The following SLC35F3 variants were observed in gnomAD, a reference collection of about 807,000 sequenced individuals.
The protein encoded by SLC35F3 is putative thiamine transporter SLC35F3.
In SLC35F3, 25 loss-of-function variants were observed where a neutral mutation model predicts 49.9. The observed-to-expected ratio is 0.50, with a 90% CI of 0.37 to 0.70. SLC35F3 has a LOEUF of 0.70. Among genes scored for constraint, SLC35F3 ranks in the 30% least tolerant of loss-of-function variants. The pLI is 0.00. For missense variants in SLC35F3, 525 were observed against 639.8 expected (o/e 0.82, Z 1.94); for synonymous variants, 275 against 265.4 (o/e 1.04, Z -0.35).
chr1:234,029,105 A>G (rs967781175), intron 2 of SLC35F3, among the ~76,000 whole-genome samples: 5 of 152,156 alleles, frequency 3.3e-5, no homozygotes, highest in African/African-American at 1.2e-4. Context: ...AACATCGGTC[A>G]TTTTCTGCCC....
intron 3 of SLC35F3, among the ~76,000 whole-genome samples, chr1:234,265,320 C>CT (rs1035592951): frequency 8.2e-5 from 12 of 146,134 alleles, no homozygotes; most frequent in Admixed American, 6.8e-5. Flanking sequence ...ATTATTTCTT[C>CT]TTTTTTTCTT....
chr1:234,033,258 C>A (rs1664089171), intron 2 of SLC35F3, among the ~76,000 whole-genome samples: 1 of 152,010 alleles, frequency 6.6e-6, no homozygotes, highest in South Asian at 2.1e-4. Flanking sequence ...GGATATTAGT[C>A]CTTTGTCAGA....
At chr1:234,081,988 C>T (rs1467041714) in intron 2 of SLC35F3, among the ~76,000 whole-genome samples, 2 of 131,620 alleles carry the variant, frequency 1.5e-5, no homozygotes, top group East Asian at 2.6e-4. Flanking sequence ...ATCTCCTGAA[C>T]TCGTGATCCA....
chr1:234,086,457 T>C (rs549457665), intron 2 of SLC35F3, among the ~76,000 whole-genome samples: 16 of 152,330 alleles, frequency 1.1e-4, no homozygotes, highest in African/African-American at 3.6e-4. Context: ...CATGTCTGTA[T>C]TTTAAAAGAA....
intron 2 of SLC35F3, among the ~76,000 whole-genome samples, chr1:233,947,537 G>T (rs1000411194): frequency 8.6e-5 from 13 of 151,390 alleles, no homozygotes; most frequent in Admixed American, 8.6e-4. Context: ...TTTGCATTGA[G>T]GTCAGCGTCT....
chr1:234,027,589 C>T lies in SLC35F3; in HGVS notation c.283+121831C>T, dbSNP rs935054936. Reference sequence around the variant, plus strand: ...AGGCTGTTCTCTGATCTAAGCAAGACAAAAACGAGGGCCTAAACTAAGCTG... The same window carrying T: ...AGGCTGTTCTCTGATCTAAGCAAGATAAAAACGAGGGCCTAAACTAAGCTG... On this transcript the variant is annotated intron_variant, in intron 2 of 7. Transcript: ENST00000366618. This position sits in a 1 kb window ranked among gnomAD's most constrained non-coding sequence, Gnocchi z 4.1. 3.3e-5 allele frequency among the ~76,000 whole-genome samples: 5 copies of T among 151,996 alleles called. No individual in the cohort carries two copies. Among genetic ancestry groups the T allele is most frequent in the Non-Finnish European group, 7.4e-5 (5 of 67,994 alleles).
intron 2 of SLC35F3, among the ~76,000 whole-genome samples, chr1:234,020,509 T>A (rs78923959): frequency 0.033 from 5,031 of 152,142 alleles, 256 homozygotes; most frequent in African/African-American, 0.11. Flanking sequence ...TCTCTGTCCC[T>A]CCCCCTTTTT....
intron 3 of SLC35F3, among the ~76,000 whole-genome samples, chr1:234,278,654 G>A (rs1361686599): frequency 6.6e-6 from 1 of 152,162 alleles, no homozygotes; most frequent in Non-Finnish European, 1.5e-5. Flanking sequence ...CAACAAATAT[G>A]TACTTCTCAC....
intron 2 of SLC35F3, among the ~76,000 whole-genome samples, chr1:234,209,908 T>C (rs1207436193): frequency 6.6e-6 from 1 of 152,186 alleles, no homozygotes; most frequent in Non-Finnish European, 1.5e-5. Flanking sequence ...CAACATTGCA[T>C]TAAACAGAAA....
At chr1:234,203,444 G>C (rs1323580265) in intron 2 of SLC35F3, among the ~76,000 whole-genome samples, 1 of 152,122 alleles carries the variant, frequency 6.6e-6, no homozygotes, top group African/African-American at 2.4e-5. Context: ...CAGGCGCAAG[G>C]GCTCATGCCT....
In SLC35F3 at chr1:234,172,550, A is replaced by G. The variant is rs561784921; in HGVS notation, c.284-58867A>G. ...TTGTTTAAGTATTTATTCTTAAAAT[A>G]GTTCAGTGTCACTTAATGGGATTCA... On this transcript the variant is annotated intron_variant, in intron 2 of 7. Transcript: ENST00000366618. Among the ~76,000 whole-genome samples, 11 of 152,338 alleles carry G rather than the reference A, an allele frequency of 7.2e-5. No homozygotes were observed. The South Asian group carries it at 2.1e-3, about 29-fold the overall frequency.
At chr1:234,225,147 C>T (rs1043077229) in intron 2 of SLC35F3, among the ~76,000 whole-genome samples, 6 of 152,204 alleles carry the variant, frequency 3.9e-5, no homozygotes, top group African/African-American at 1.4e-4. Context: ...ATGTAGTTGG[C>T]CTTACGCGTG....
At chr1:234,064,459 C>T (rs555706779) in intron 2 of SLC35F3, among the ~76,000 whole-genome samples, 10 of 152,130 alleles carry the variant, frequency 6.6e-5, no homozygotes, top group African/African-American at 2.2e-4. Context: ...GTGGAGTCAC[C>T]AGAATTCCAC....
chr1:234,319,701 G>A (rs1396732083), intron 6 of SLC35F3, among the ~76,000 whole-genome samples: 1 of 147,876 alleles, frequency 6.8e-6, no homozygotes, highest in Non-Finnish European at 1.5e-5. Flanking sequence ...GTGCAAGACT[G>A]TGCCTCAAAA....
intron 3 of SLC35F3, among the ~76,000 whole-genome samples, chr1:234,233,056 G>C (rs1455818543): frequency 6.6e-6 from 1 of 152,298 alleles, no homozygotes; most frequent in Non-Finnish European, 1.5e-5. Context: ...CTGATCCTCA[G>C]GGTTGACCTA....
chr1:234,009,760 C>A (rs766602041), intron 2 of SLC35F3, among the ~76,000 whole-genome samples: 11 of 152,146 alleles, frequency 7.2e-5, no homozygotes, highest in Non-Finnish European at 2.9e-5. Context: ...AAAAATCAGT[C>A]TTTATCACCT....
chr1:234,259,356 G>T (rs1383997104), intron 3 of SLC35F3, among the ~76,000 whole-genome samples: 1 of 152,094 alleles, frequency 6.6e-6, no homozygotes, highest in Non-Finnish European at 1.5e-5. Context: ...TTAGCTAATT[G>T]AAATCAACAA....
intron 2 of SLC35F3, among the ~76,000 whole-genome samples, chr1:234,050,480 G>A (rs1488049416): frequency 4.6e-5 from 7 of 152,068 alleles, no homozygotes; most frequent in African/African-American, 9.7e-5. Context: ...CTTTTTGATG[G>A]GGTTGTTTGA....
chr1:234,020,776 A>G (rs1195273785), intron 2 of SLC35F3, among the ~76,000 whole-genome samples: 1 of 152,186 alleles, frequency 6.6e-6, no homozygotes, highest in Non-Finnish European at 1.5e-5. Context: ...TGGCTTCAAA[A>G]TCACAGATCT....
Sources: gnomAD v4.1 joint callset for allele counts (sites outside exome capture counted in the v4.1 genomes callset) on GRCh38, gnomAD v4.1.1 for gene constraint, Gnocchi (gnomAD v3.1) non-coding constraint, MANE v1.5 for transcripts, NCBI Gene and HGNC (gene_info 2026-07-23, HGNC 2026-07-21) for gene names.